The following CMIP variants were observed in gnomAD, a reference collection of about 807,000 sequenced individuals.
CMIP encodes C-Maf-inducing protein.
CMIP carries 13 observed loss-of-function variants against 97.3 expected under a neutral mutation model. The observed-to-expected ratio is 0.13, with a 90% CI of 0.09 to 0.21. The LOEUF (loss-of-function observed/expected upper bound fraction) is 0.21, where lower values mean the gene tolerates loss of function less well. CMIP is among the 10% of genes least tolerant of loss of function. The probability of loss-of-function intolerance (pLI) is 1.00; values close to 1 mark genes in which losing one functional copy is unlikely to be tolerated. For synonymous variants in CMIP, 538 were observed against 436.3 expected (o/e 1.23, Z -2.91); for missense variants, 847 against 1,024.9 (o/e 0.83, Z 2.37).
Position 81,605,760 on chromosome 16 carries a change from C to G in CMIP, c.301-1807C>G, listed in dbSNP as rs532536719. The stretch of plus-strand genomic sequence containing the variant: ...GATTCTTTATGCGGCCCTTGCCACT[C>G]TCCAATAGTTTATTTATTTAGATAT... On this transcript the variant is annotated intron_variant, in intron 1 of 20. Coordinates refer to ENST00000537098, the MANE Select transcript of CMIP (RefSeq NM_198390.3). 4.1e-4 allele frequency among the ~76,000 whole-genome samples: 63 copies of G among 152,374 alleles called. 1 individual carries two copies. The South Asian group carries it at 0.013, about 31-fold the overall frequency.
chr16:81,455,842 C>A (rs1245528493), intron 1 of CMIP, among the ~76,000 whole-genome samples: 1 of 152,180 alleles, frequency 6.6e-6, no homozygotes, highest in Non-Finnish European at 1.5e-5. Context: ...TTCAGGGAGG[C>A]CTGGTGGGAA....
rs1456469914 is a variant in CMIP at position 81,709,977 on chromosome 16, G to A, written c.*178G>A. ...GGGAGGGGGCCCACAAGCACGCCCA[G>A]CCCCCGCCGAATTCTTTTAGCTTCG... On this transcript the variant is annotated 3_prime_UTR_variant, in exon 21 of 21. Coordinates refer to ENST00000537098, the MANE Select transcript of CMIP (RefSeq NM_198390.3). The A allele has an allele frequency of 5.8e-6, 3 of 516,774 alleles. No homozygotes were observed. The South Asian group carries it at 5.9e-5, about 10-fold the overall frequency. 32.0% of individuals were successfully genotyped at this position (516,774 alleles called of 1,614,324 possible). A position where few individuals can be genotyped will look rare whatever the true frequency, so the allele number is the denominator to read the frequency against.
intron 4 of CMIP, among the ~76,000 whole-genome samples, chr16:81,654,867 A>C (rs1180747278): frequency 1.3e-5 from 2 of 148,872 alleles, no homozygotes; most frequent in South Asian, 2.1e-4. Context: ...TCTGGCAAGT[A>C]TGTAACTATG....
chr16:81,669,112 T>A (rs1168822874), intron 7 of CMIP, among the ~76,000 whole-genome samples: 1 of 43,222 alleles, frequency 2.3e-5, no homozygotes, highest in Admixed American at 2.1e-4. Flanking sequence ...CACACCCACC[T>A]CTCACACTCA....
chr16:81,614,269 C>T lies in CMIP; in HGVS notation c.426+6577C>T, dbSNP rs904453787. ...GGCCAGGTGCTGCCACAGTCACCAG[C>T]GACCACGCATTCTAGGTGGCTGGAA... On this transcript the variant is annotated intron_variant, in intron 2 of 20. Coordinates refer to ENST00000537098, the MANE Select transcript of CMIP (RefSeq NM_198390.3). This position sits in a 1 kb window ranked among gnomAD's most constrained non-coding sequence, Gnocchi z 5.3. 5.3e-5 allele frequency among the ~76,000 whole-genome samples: 8 copies of T among 152,196 alleles called. No homozygotes were observed. Among genetic ancestry groups the T allele is most frequent in the South Asian group, 2.1e-4 (1 of 4,836 alleles).
At chr16:81,686,647 C>T (rs544898557) in intron 10 of CMIP, among the ~76,000 whole-genome samples, 1 of 152,254 alleles carries the variant, frequency 6.6e-6, no homozygotes, top group Non-Finnish European at 1.5e-5. Flanking sequence ...TCAGAAGCTT[C>T]CAGGGTATGA....
intron 1 of CMIP, among the ~76,000 whole-genome samples, chr16:81,598,488 C>G (rs189250008): frequency 6.6e-6 from 1 of 152,308 alleles, no homozygotes; most frequent in East Asian, 1.9e-4. Context: ...TAGGGCAGTG[C>G]CAGTATCAAC....
chr16:81,686,677 C>T (rs544249099), intron 10 of CMIP, among the ~76,000 whole-genome samples: 14 of 152,146 alleles, frequency 9.2e-5, no homozygotes, highest in Non-Finnish European at 1.9e-4. Context: ...TGAAGGCTGC[C>T]ACTCTATCGT....
intron 1 of CMIP, among the ~76,000 whole-genome samples, chr16:81,530,025 G>C (rs981135602): frequency 6.6e-6 from 1 of 152,174 alleles, no homozygotes; most frequent in Non-Finnish European, 1.5e-5. Context: ...GAGAGGATAG[G>C]GTTTTTGGCT....
At chr16:81,697,512 A>C (rs973080289) in intron 14 of CMIP, 3 of 152,284 alleles carry the variant, frequency 2.0e-5, no homozygotes, top group Non-Finnish European at 4.4e-5. Context: ...TTCCAGTCGC[A>C]GCTCTGCTGG....
chr16:81,661,472 T>C (rs974640029), intron 6 of CMIP, among the ~76,000 whole-genome samples: 1 of 152,200 alleles, frequency 6.6e-6, no homozygotes, highest in Non-Finnish European at 1.5e-5. Context: ...CACACAAACC[T>C]GTTTTGTTCT....
intron 1 of CMIP, among the ~76,000 whole-genome samples, chr16:81,528,452 A>G (rs1346442805): frequency 2.0e-5 from 3 of 152,208 alleles, no homozygotes; most frequent in African/African-American, 7.2e-5. Context: ...GTGCTCATGC[A>G]TTGAATTGAT....
intron 20 of CMIP, 83 bp from the exon 21 acceptor site, chr16:81,709,663 G>A (rs1446056074): frequency 1.1e-5 from 16 of 1,504,700 alleles, no homozygotes; most frequent in South Asian, 2.3e-5. Flanking sequence ...ACCCCCAGCC[G>A]GCAATGCGGG....
At chr16:81,582,490 G>GTGGGC (rs2091312192) in intron 1 of CMIP, among the ~76,000 whole-genome samples, 1 of 152,162 alleles carries the variant, frequency 6.6e-6, no homozygotes, top group Non-Finnish European at 1.5e-5. Context: ...CTGGAGTCCA[G>GTGGGC]TGGGCTGGGT....
intron 1 of CMIP, among the ~76,000 whole-genome samples, chr16:81,472,804 A>C (rs1907638110): frequency 6.6e-6 from 1 of 152,144 alleles, no homozygotes; most frequent in African/African-American, 2.4e-5. Context: ...TGAGGTGCAC[A>C]GTGGGGTGTG....
intron 1 of CMIP, among the ~76,000 whole-genome samples, chr16:81,456,296 G>A (rs1441491468): frequency 1.3e-5 from 2 of 152,158 alleles, no homozygotes; most frequent in Admixed American, 6.5e-5. Flanking sequence ...AGGCGTGTGC[G>A]CATTTCGTCC....
chr16:81,515,079 C>T (rs1003964533), intron 1 of CMIP, among the ~76,000 whole-genome samples: 5 of 152,222 alleles, frequency 3.3e-5, no homozygotes, highest in Admixed American at 2.6e-4. Flanking sequence ...CCCATGGCCA[C>T]GTGGCCTGTC....
rs1435951629 is a variant in CMIP, at chr16:81,445,684, C to T, written c.300+143C>T. ...CGGGGGAACGGGGAGAACCAGGGCG[C>T]CTCGCTCCTGGCCTGCTCGCGGGGC... On this transcript the variant is annotated intron_variant, in intron 1 of 20. Coordinates refer to ENST00000537098, the MANE Select transcript of CMIP (RefSeq NM_198390.3). The T allele has an allele frequency of 4.3e-5, 42 of 965,740 alleles. No homozygotes were observed. The South Asian group carries it at 6.1e-4, about 14-fold the overall frequency. 59.8% of individuals were successfully genotyped at this position (965,740 alleles called of 1,614,324 possible).
At chr16:81,669,231 TCA>T (rs1259526352) in intron 7 of CMIP, among the ~76,000 whole-genome samples, 1 of 115,358 alleles carries the variant, frequency 8.7e-6, no homozygotes, top group African/African-American at 3.5e-5. Context: ...CACATCCACC[TCA>T]CACCTCCACA....
Sources: gnomAD v4.1 joint callset for allele counts (sites outside exome capture counted in the v4.1 genomes callset) on GRCh38, gnomAD v4.1.1 for gene constraint, Gnocchi (gnomAD v3.1) non-coding constraint, MANE v1.5 for transcripts, NCBI Gene and HGNC (gene_info 2026-07-23, HGNC 2026-07-21) for gene names.